The following SGCD variants were observed in gnomAD, a reference collection of about 807,000 sequenced individuals.
The protein encoded by SGCD is delta-sarcoglycan.
In SGCD, 18 loss-of-function variants were observed where a neutral mutation model predicts 36.6. The ratio of observed to expected loss-of-function variants is 0.49; its 90% CI spans 0.34 to 0.73. The LOEUF is 0.73. SGCD is among the 30% of genes least tolerant of loss of function. The pLI is 0.01. For missense variants in SGCD, 387 were observed against 346.7 expected (o/e 1.12, Z -0.92); for synonymous variants, 133 against 130.6 (o/e 1.02, Z -0.12).
At chr5:156,081,037 A>C (rs1760936886) in intron 1 of SGCD, among the ~76,000 whole-genome samples, 1 of 152,206 alleles carries the variant, frequency 6.6e-6, no homozygotes, top group African/African-American at 2.4e-5. Context: ...AATAGGTTTC[A>C]TTGGCTCATG....
rs1026711522 is a variant in SGCD at position 156,764,894 on chromosome 5, G to A, written c.*5504G>A. ...ATCATCACCCATTTTGAGATATGCA[G>A]GTGGAATAGAACAAAGAAACAGCCA... On this transcript the variant is annotated 3_prime_UTR_variant, in exon 9 of 9. Transcript: ENST00000337851. 6.6e-6 allele frequency: 1 copy of A among 152,164 alleles called. No homozygotes were observed. Among genetic ancestry groups the A allele is most frequent in the South Asian group, 2.1e-4 (1 of 4,828 alleles). The allele number at this position is 152,164 out of a possible 1,614,324, so 9.4% of individuals were successfully genotyped here.
intron 7 of SGCD, among the ~76,000 whole-genome samples, chr5:156,740,602 T>C (rs1372812288): frequency 1.3e-5 from 2 of 152,200 alleles, no homozygotes; most frequent in African/African-American, 4.8e-5. Context: ...AATTTAGCTA[T>C]TGGGGTTTTA....
At chr5:155,936,735 C>T (rs944553951) in intron 1 of SGCD, among the ~76,000 whole-genome samples, 7 of 152,198 alleles carry the variant, frequency 4.6e-5, no homozygotes, top group African/African-American at 7.2e-5. Flanking sequence ...TCACTAGGGA[C>T]GCGCCCCCTT....
chr5:156,697,670 G>T lies in SGCD; in HGVS notation c.575+50134G>T, dbSNP rs113083023. ...TAATTGCCTCCTTACTGGTCTGTGA[G>T]CTTTGTGAAAGCAGGAATCACATTC... On this transcript the variant is annotated intron_variant, in intron 7 of 8. Coordinates refer to ENST00000337851, the MANE Select transcript of SGCD (RefSeq NM_000337.6). Among the ~76,000 whole-genome samples, 523 of 152,234 alleles carry T rather than the reference G, an allele frequency of 3.4e-3. 6 individuals are homozygous for T. Among genetic ancestry groups the T allele is most frequent in the African/African-American group, 0.012 (490 of 41,550 alleles).
At chr5:156,185,513 C>T (rs1763721832) in intron 3 of SGCD, among the ~76,000 whole-genome samples, 1 of 152,006 alleles carries the variant, frequency 6.6e-6, no homozygotes, top group South Asian at 2.1e-4. Context: ...CGCGCCTGGC[C>T]TCTTTTAATT....
chr5:156,071,497 A>C (rs1231367700), intron 1 of SGCD, among the ~76,000 whole-genome samples: 3 of 152,138 alleles, frequency 2.0e-5, no homozygotes, highest in African/African-American at 7.2e-5. Flanking sequence ...TCTGAGAGAC[A>C]GTTTGTTGTA....
At chr5:156,618,908 C>T (rs960502406) in intron 6 of SGCD, among the ~76,000 whole-genome samples, 6 of 152,072 alleles carry the variant, frequency 3.9e-5, no homozygotes, top group Non-Finnish European at 8.8e-5. Flanking sequence ...TTGCAGCCCT[C>T]GGTGGTGCTC....
intron 4 of SGCD, among the ~76,000 whole-genome samples, chr5:156,566,526 CAA>C (rs1410753000): frequency 6.6e-6 from 1 of 152,092 alleles, no homozygotes; most frequent in East Asian, 1.9e-4. Context: ...CCTGCTTTCC[CAA>C]AAGTTAGTCA....
At chr5:156,691,237 C>G (rs1350837476) in intron 7 of SGCD, among the ~76,000 whole-genome samples, 6 of 131,060 alleles carry the variant, frequency 4.6e-5, no homozygotes, top group Non-Finnish European at 1.6e-5. Flanking sequence ...GAGAGAGACC[C>G]AAACTTCCAT....
At chr5:156,225,905 A>C (rs1764843679) in intron 3 of SGCD, among the ~76,000 whole-genome samples, 1 of 152,134 alleles carries the variant, frequency 6.6e-6, no homozygotes, top group Non-Finnish European at 1.5e-5. Context: ...TATTTATACC[A>C]TATGAGGATT....
At chr5:156,106,888 C>T (rs1761661241) in intron 1 of SGCD, among the ~76,000 whole-genome samples, 1 of 152,014 alleles carries the variant, frequency 6.6e-6, no homozygotes, top group African/African-American at 2.4e-5. Context: ...TTTAGTGTAT[C>T]CAATATCATA....
At chr5:156,136,610 C>G (rs1381923794) in intron 3 of SGCD, among the ~76,000 whole-genome samples, 1 of 152,096 alleles carries the variant, frequency 6.6e-6, no homozygotes, top group East Asian at 1.9e-4. Flanking sequence ...TAATTTCATT[C>G]CTCTTTAGGA....
At chr5:156,757,105 C>A (rs1219036536) in intron 7 of SGCD, among the ~76,000 whole-genome samples, 1 of 151,798 alleles carries the variant, frequency 6.6e-6, no homozygotes, top group Non-Finnish European at 1.5e-5. Context: ...TTAGTGGCCA[C>A]CCCATGGCTT....
At chr5:156,018,310 C>T (rs904243564) in intron 1 of SGCD, among the ~76,000 whole-genome samples, 6 of 151,980 alleles carry the variant, frequency 3.9e-5, no homozygotes, top group African/African-American at 7.3e-5. Flanking sequence ...TACAAATATC[C>T]GCTAGTGTCT....
intron 1 of SGCD, among the ~76,000 whole-genome samples, chr5:156,013,043 T>G (rs957395088): frequency 1.3e-5 from 2 of 150,988 alleles, no homozygotes; most frequent in African/African-American, 4.9e-5. Context: ...TTTTTTCTTT[T>G]GTGATGGAGT....
chr5:155,737,300 A>AAT, the SGCD span, among the ~76,000 whole-genome samples: 1 of 152,204 alleles, frequency 6.6e-6, no homozygotes, highest in African/African-American at 2.4e-5. Flanking sequence ...AGTTTCAAAA[A>AAT]ATATAACACT....
chr5:156,314,784 A>G lies in SGCD; in HGVS notation c.-43-14750A>G, dbSNP rs1022893578. Among the ~76,000 whole-genome samples the G allele has an allele frequency of 5.9e-5, 9 of 152,186 alleles. No homozygotes were observed. The South Asian group carries it at 1.9e-3, about 32-fold the overall frequency. On this transcript the variant is annotated intron_variant, in intron 3 of 9. Transcript: ENST00000517913. ...GAGGGAAGAGAAGTCTTGTGGAAGAAGGGACCTGTCAGCTATTTCCTTCAG... is the reference window on the plus strand; with the variant it reads ...GAGGGAAGAGAAGTCTTGTGGAAGAGGGGACCTGTCAGCTATTTCCTTCAG...
At chr5:156,329,513 A>G (rs1473491828) in intron 1 of SGCD, 21 bp from the exon 2 acceptor site, 1 of 1,564,226 alleles carries the variant, frequency 6.4e-7, no homozygotes, top group Non-Finnish European at 8.8e-7. Context: ...CTTATTTTTA[A>G]CCCATATTTG....
chr5:155,928,457 C>T (rs1580995355), intron 1 of SGCD, among the ~76,000 whole-genome samples: 1 of 151,984 alleles, frequency 6.6e-6, no homozygotes, highest in South Asian at 2.1e-4. Context: ...CTCCTGAAGT[C>T]AGGAGTTCAA....
Sources: allele counts gnomAD v4.1 joint callset (sites outside exome capture counted in the v4.1 genomes callset), GRCh38; gene constraint gnomAD v4.1.1; transcripts MANE v1.5; gene names NCBI Gene and HGNC (gene_info 2026-07-23, HGNC 2026-07-21).